The following FGF13 variants were observed in gnomAD, a reference collection of about 807,000 sequenced individuals.
FGF13 encodes fibroblast growth factor 13.
In FGF13, 2 loss-of-function variants were observed where a neutral mutation model predicts 19.5. The observed-to-expected ratio is 0.10, with a 90% confidence interval of 0.04 to 0.32. The LOEUF is 0.32. Among genes scored for constraint, FGF13 ranks in the 10% least tolerant of loss-of-function variants. FGF13 has a pLI of 1.00. For synonymous variants in FGF13, 72 were observed against 76.9 expected (o/e 0.94, Z 0.33); for missense variants, 113 against 192.7 (o/e 0.59, Z 2.45).
chrX:139,026,866 G>T (rs1185680118), intron 1 of FGF13, among the ~76,000 whole-genome samples: 2 of 111,822 alleles, frequency 1.8e-5, no homozygotes, highest in South Asian at 3.7e-4. Context: ...ACTGCCAAAC[G>T]CCAGCATAAA....
intron 1 of FGF13, among the ~76,000 whole-genome samples, chrX:139,152,352 T>C (rs1044981230): frequency 1.0e-5 from 1 of 98,843 alleles, no homozygotes; most frequent in Admixed American, 1.0e-4. Context: ...GAGGCCAGTA[T>C]GTACTGGGCC....
intron 1 of FGF13, among the ~76,000 whole-genome samples, chrX:139,163,810 C>G (rs1476946151): frequency 1.8e-5 from 2 of 111,305 alleles, no homozygotes; most frequent in East Asian, 5.6e-4. Flanking sequence ...CTAAAATTTT[C>G]CTGAAGTTTT....
rs749417891 is a variant in FGF13, at chrX:138,631,013, G to A, written c.*1837C>T. The A allele has an allele frequency of 9.0e-6, 1 of 111,483 alleles. No individual in the cohort carries two copies. The highest frequency in any genetic ancestry group is 2.8e-4 in the East Asian group (1 of 3,515). 9.2% of individuals were successfully genotyped at this position (111,483 alleles called of 1,213,427 possible). On this transcript the variant is annotated 3_prime_UTR_variant, in exon 5 of 5. Transcript: ENST00000315930. ...GTGTACTGGAAATAAAAAGCAAAAT[G>A]GTTGTATGGTAAAGTATGAGTTCTA...
At chrX:138,746,468 G>C (rs947577784) in intron 3 of FGF13, among the ~76,000 whole-genome samples, 1 of 111,372 alleles carries the variant, frequency 9.0e-6, no homozygotes, top group Non-Finnish European at 1.9e-5. Flanking sequence ...AAAGTAATTG[G>C]CTCTTGCAGG....
intron 3 of FGF13, among the ~76,000 whole-genome samples, chrX:138,821,859 G>C (rs1047130532): frequency 9.0e-6 from 1 of 111,544 alleles, no homozygotes; most frequent in Admixed American, 9.6e-5. Context: ...TTAATTTCAA[G>C]CCTTTTAAAA....
chrX:138,886,947 G>A (rs2091454250), intron 1 of FGF13, among the ~76,000 whole-genome samples: 1 of 111,474 alleles, frequency 9.0e-6, no homozygotes, highest in Admixed American at 9.6e-5. Flanking sequence ...CTGCCAGGAA[G>A]AGCAAACTTT....
intron 1 of FGF13, among the ~76,000 whole-genome samples, chrX:138,872,898 G>A (rs1369043565): frequency 9.0e-6 from 1 of 111,554 alleles, no homozygotes; most frequent in Non-Finnish European, 1.9e-5. Context: ...TGTGACAAGT[G>A]AGGGGTGGAA....
At chrX:138,673,475 G>GGGGCAA (rs1569360554) in intron 3 of FGF13, among the ~76,000 whole-genome samples, 1 of 111,276 alleles carries the variant, frequency 9.0e-6, no homozygotes, top group Non-Finnish European at 1.9e-5. Flanking sequence ...AGCACATGTG[G>GGGGCAA]GGGCAAGGGC....
At chrX:139,203,174 C>G (rs1203991939) in intron 1 of FGF13, among the ~76,000 whole-genome samples, 1 of 111,925 alleles carries the variant, frequency 8.9e-6, no homozygotes, top group Admixed American at 9.3e-5. Context: ...CTGCGCCTCC[C>G]CAACCCGCCG....
chrX:139,151,778 T>C (rs984471295), intron 1 of FGF13, among the ~76,000 whole-genome samples: 4 of 112,172 alleles, frequency 3.6e-5, no homozygotes, highest in Admixed American at 2.8e-4. Context: ...CACACAAAGT[T>C]AATTGTTAAT....
intron 1 of FGF13, among the ~76,000 whole-genome samples, chrX:139,005,227 AACAG>A (rs1393139423): frequency 1.1e-5 from 1 of 92,181 alleles, no homozygotes; most frequent in Non-Finnish European, 2.1e-5. Context: ...GGTGGTACAG[AACAG>A]ACAGACAGAC....
chrX:138,815,158 G>C (rs1341464341), intron 3 of FGF13, among the ~76,000 whole-genome samples: 2 of 110,783 alleles, frequency 1.8e-5, no homozygotes, highest in African/African-American at 3.3e-5. Flanking sequence ...TAGAAGCAGA[G>C]AGTAGAATGC....
intron 3 of FGF13, among the ~76,000 whole-genome samples, chrX:138,690,438 C>T (rs1477761245): frequency 1.8e-5 from 2 of 110,664 alleles, no homozygotes; most frequent in Non-Finnish European, 3.8e-5. Context: ...ATTGGCCAAA[C>T]ATGTGAGGTG....
At chrX:139,074,497 C>A (rs766612363) in intron 1 of FGF13, among the ~76,000 whole-genome samples, 1 of 111,901 alleles carries the variant, frequency 8.9e-6, no homozygotes, top group South Asian at 3.7e-4. Flanking sequence ...TCATTTTTCT[C>A]CTTGATTCTA....
At chrX:138,994,984 CA>C (rs5903991) in intron 1 of FGF13, among the ~76,000 whole-genome samples, 4,967 of 85,732 alleles carry the variant, frequency 0.058, 229 homozygotes, top group African/African-American at 0.13. Context: ...ACTATGTAAC[CA>C]AAAAAAAAAA....
chrX:139,020,425 C>T lies in FGF13; in HGVS notation c.-112-155775G>A, dbSNP rs900502548. Among the ~76,000 whole-genome samples, 175 of 110,826 alleles carry T rather than the reference C, an allele frequency of 1.6e-3. 1 individual carries two copies. The highest frequency in any genetic ancestry group is 5.5e-3 in the African/African-American group (169 of 30,548). On this transcript the variant is annotated intron_variant, in intron 1 of 2. Transcript: ENST00000421460. ...AGTCTAGGTCCTCCAGAATTTGGTC[C>T]CATGCTGCTTGGTAAATTGTATACC... is the stretch of plus-strand genomic sequence containing the variant.
intron 1 of FGF13, among the ~76,000 whole-genome samples, chrX:138,883,719 G>A (rs2091438960): frequency 9.0e-6 from 1 of 111,546 alleles, no homozygotes; most frequent in Non-Finnish European, 1.9e-5. Context: ...GAATAATACA[G>A]CCACAATCCA....
intron 3 of FGF13, among the ~76,000 whole-genome samples, chrX:138,820,420 T>A (rs2090991596): frequency 8.9e-6 from 1 of 112,136 alleles, no homozygotes; most frequent in Non-Finnish European, 1.9e-5. Context: ...GTAGCCAAAC[T>A]TTTTCTGCAA....
chrX:138,742,011 G>A (rs778349190), upstream of FGF13, among the ~76,000 whole-genome samples: 5 of 111,710 alleles, frequency 4.5e-5, no homozygotes, highest in Non-Finnish European at 7.5e-5. Flanking sequence ...TCAGTTTGAA[G>A]TGTCCTTGTC....
Sources: gnomAD v4.1 joint callset for allele counts (sites outside exome capture counted in the v4.1 genomes callset) on GRCh38, gnomAD v4.1.1 for gene constraint, MANE v1.5 for transcripts, NCBI Gene and HGNC (gene_info 2026-07-23, HGNC 2026-07-21) for gene names.